The following TTC29 variants were observed in gnomAD, a reference collection of about 807,000 sequenced individuals.
The protein encoded by TTC29 is tetratricopeptide repeat domain 29.
A neutral mutation model predicts 58.1 loss-of-function variants in TTC29; 49 were observed. The ratio of observed to expected loss-of-function variants is 0.84; its 90% CI spans 0.67 to 1.07. The LOEUF is 1.07. Among genes scored for constraint, TTC29 ranks in the 50% least tolerant of loss-of-function variants. The pLI is 0.00. For synonymous variants in TTC29, 209 were observed against 196.8 expected (o/e 1.06, Z -0.52); for missense variants, 582 against 555.6 (o/e 1.05, Z -0.48).
chr4:146,831,670 G>T lies in TTC29; in HGVS notation c.977+2136C>A, dbSNP rs572591867. On this transcript the variant is annotated intron_variant, in intron 9 of 12. Coordinates refer to ENST00000325106, the MANE Select transcript of TTC29 (RefSeq NM_031956.4). ...TAGTGCCAAAATTCACCAGATAATT[G>T]TTCAACTCTTCACTTAGCCTTGACT... 2.0e-3 allele frequency: 840 copies of T among 429,676 alleles called. 3 individuals are homozygous for T. Among genetic ancestry groups the T allele is most frequent in the South Asian group, 5.0e-3 (299 of 60,032 alleles). 26.6% of individuals were successfully genotyped at this position (429,676 alleles called of 1,614,324 possible). A position where few individuals can be genotyped will look rare whatever the true frequency, so the allele number is the denominator to read the frequency against.
intron 11 of TTC29, among the ~76,000 whole-genome samples, chr4:146,731,975 T>A (rs1182120119): frequency 6.6e-6 from 1 of 152,200 alleles, no homozygotes; most frequent in Non-Finnish European, 1.5e-5. Context: ...CCAATACTTG[T>A]TAATCAGCTT....
intron 10 of TTC29, among the ~76,000 whole-genome samples, chr4:146,809,606 A>G (rs1474813749): frequency 6.7e-6 from 1 of 150,060 alleles, no homozygotes; most frequent in African/African-American, 2.4e-5. Context: ...GGCAAAGGAT[A>G]TGAACAGACA....
Position 146,803,496 on chromosome 4 carries a change from T to C in TTC29, c.1291A>G (p.Lys431Glu). ...GGTTCAATGTTACCTCTGCTCTCCT[T>C]CCATGACAGCAGGTAGTTGAGGCTG... ...LTSLNYLLSW[K>E]ESRGNIEPDP... The change falls in exon 11 of 13, where the codon AAG becomes GAG. Residue 431 changes from lysine to glutamate, a missense_variant. By Grantham distance (56) the Lys-to-Glu change is moderately conservative. Coordinates refer to ENST00000325106, the MANE Select transcript of TTC29 (RefSeq NM_031956.4). 6.3e-7 allele frequency: 1 copy of C among 1,597,020 alleles called. No homozygotes were observed. The highest frequency in any genetic ancestry group is 8.5e-7 in the Non-Finnish European group (1 of 1,170,286).
chr4:146,720,439 GT>G (rs1438389347), intron 11 of TTC29, among the ~76,000 whole-genome samples: 2 of 152,120 alleles, frequency 1.3e-5, no homozygotes, highest in Admixed American at 6.6e-5. Flanking sequence ...TCCAGCCACT[GT>G]TGTTAATTCA....
chr4:146,845,890 A>T (rs1729136837), intron 8 of TTC29, among the ~76,000 whole-genome samples: 1 of 150,882 alleles, frequency 6.6e-6, no homozygotes, highest in Non-Finnish European at 1.5e-5. Context: ...AAACATATCT[A>T]CTTATTATTT....
chr4:146,893,086 G>A (rs956224091), intron 6 of TTC29, among the ~76,000 whole-genome samples: 43 of 152,228 alleles, frequency 2.8e-4, no homozygotes, highest in African/African-American at 7.0e-4. Context: ...AATCAATATC[G>A]TGAAAATGGC....
chr4:146,868,278 C>T (rs949565740), intron 7 of TTC29, among the ~76,000 whole-genome samples: 9 of 151,878 alleles, frequency 5.9e-5, no homozygotes, highest in Non-Finnish European at 7.4e-5. Context: ...TGTTAAATGA[C>T]GAGTTAATGG....
intron 6 of TTC29, among the ~76,000 whole-genome samples, chr4:146,898,587 T>G (rs934507441): frequency 3.3e-5 from 5 of 152,222 alleles, no homozygotes; most frequent in Non-Finnish European, 7.3e-5. Context: ...CCGGAAAATG[T>G]GCACTTTCTA....
chr4:146,931,122 T>A (rs1047253709), intron 4 of TTC29, among the ~76,000 whole-genome samples: 2 of 152,010 alleles, frequency 1.3e-5, no homozygotes, highest in Admixed American at 6.6e-5. Context: ...GTGAGAGGAC[T>A]GCATGAAGCC....
intron 11 of TTC29, among the ~76,000 whole-genome samples, chr4:146,731,076 T>C (rs1299400223): frequency 1.3e-5 from 2 of 152,122 alleles, no homozygotes; most frequent in African/African-American, 4.8e-5. Context: ...TGAGAATGGA[T>C]GACATATAGT....
intron 11 of TTC29, among the ~76,000 whole-genome samples, chr4:146,731,955 G>A (rs756755783): frequency 6.6e-6 from 1 of 152,188 alleles, no homozygotes; most frequent in Non-Finnish European, 1.5e-5. Flanking sequence ...CTAATGGCAA[G>A]TCATTCTTGC....
intron 8 of TTC29, among the ~76,000 whole-genome samples, chr4:146,866,429 T>C (rs1357940700): frequency 4.6e-5 from 7 of 152,148 alleles, no homozygotes; most frequent in African/African-American, 1.7e-4. Flanking sequence ...AAAACTTTTT[T>C]TTTGGTGCAG....
intron 4 of TTC29, among the ~76,000 whole-genome samples, chr4:146,929,383 A>T (rs1255546531): frequency 6.6e-6 from 1 of 151,638 alleles, no homozygotes; most frequent in Non-Finnish European, 1.5e-5. Context: ...TGTCCTTTTC[A>T]CAGTGGCCAA....
Position 146,863,615 on chromosome 4 carries a change from T to C in TTC29, c.885+3883A>G, listed in dbSNP as rs567600547. Among the ~76,000 whole-genome samples, 435 of 149,656 alleles carry C rather than the reference T, an allele frequency of 2.9e-3. 4 individuals are homozygous for C. Among genetic ancestry groups the C allele is most frequent in the African/African-American group, 0.011 (416 of 39,038 alleles). Reference sequence around the variant, plus strand: ...GAAATGCATTTCTCATAGCCTCTCATGTGTATATGAAAAGATTTGTTACTT... The same window carrying C: ...GAAATGCATTTCTCATAGCCTCTCACGTGTATATGAAAAGATTTGTTACTT... On this transcript the variant is annotated intron_variant, in intron 8 of 12. Coordinates refer to ENST00000325106, the MANE Select transcript of TTC29 (RefSeq NM_031956.4).
At chr4:146,721,681 T>C (rs1743367601) in intron 11 of TTC29, among the ~76,000 whole-genome samples, 1 of 152,076 alleles carries the variant, frequency 6.6e-6, no homozygotes, top group African/African-American at 2.4e-5. Context: ...TATATGACAG[T>C]ACAAAAGACA....
intron 11 of TTC29, among the ~76,000 whole-genome samples, chr4:146,768,183 T>C (rs1747468894): frequency 6.6e-6 from 1 of 151,976 alleles, no homozygotes. Context: ...AAGATTCAAA[T>C]AGGAGAGTGT....
At chr4:146,741,506 A>G (rs35224719) in intron 11 of TTC29, among the ~76,000 whole-genome samples, 35,119 of 124,282 alleles carry the variant, frequency 0.28, 4,637 homozygotes, top group East Asian at 0.43. Context: ...TTTTTTGCTT[A>G]CTTTATTTGT....
At chr4:146,857,179 C>A (rs1160906113) in intron 8 of TTC29, among the ~76,000 whole-genome samples, 1 of 151,034 alleles carries the variant, frequency 6.6e-6, no homozygotes, top group East Asian at 1.9e-4. Context: ...TTTAAAAAAC[C>A]CTTTCTTTTG....
At chr4:146,763,541 T>G (rs2150065271) in intron 11 of TTC29, among the ~76,000 whole-genome samples, 1 of 151,950 alleles carries the variant, frequency 6.6e-6, no homozygotes, top group Non-Finnish European at 1.5e-5. Context: ...CTGGAAAGGG[T>G]TTTTTAAGGG....
Sources: gnomAD v4.1 joint callset for allele counts (sites outside exome capture counted in the v4.1 genomes callset) on GRCh38, gnomAD v4.1.1 for gene constraint, MANE v1.5 for transcripts, NCBI Gene and HGNC (gene_info 2026-07-23, HGNC 2026-07-21) for gene names.